Variants in GRIN2A observed in about 807,000 individuals in gnomAD.
GRIN2A encodes the protein glutamate receptor ionotropic, NMDA 2A.
Under a neutral mutation model 113.4 loss-of-function variants are expected in GRIN2A, and 22 were observed. The ratio of observed to expected loss-of-function variants is 0.19; its 90% CI spans 0.14 to 0.28. The LOEUF (loss-of-function observed/expected upper bound fraction) is 0.28. Ranked by LOEUF, GRIN2A falls within the 10% of genes least tolerant of loss-of-function variation. The pLI, the probability that GRIN2A is intolerant of heterozygous loss-of-function variation, is 1.00. For missense variants in GRIN2A, 1,502 were observed against 1,887.0 expected, an observed-to-expected ratio of 0.80 and a Z score of 3.78; for synonymous variants, 827 against 738.4, an observed-to-expected ratio of 1.12 and a Z score of -1.94.
At chr16:10,089,389 TA>T (rs796848124) in intron 2 of GRIN2A, among the ~76,000 whole-genome samples, 24 of 152,362 alleles carry the variant, frequency 1.6e-4, no homozygotes, top group African/African-American at 4.8e-4. Context: ...GTATGTCAAC[TA>T]TACCTCAAAG....
intron 2 of GRIN2A, among the ~76,000 whole-genome samples, chr16:9,950,567 G>C (rs954490691): frequency 6.6e-6 from 1 of 152,160 alleles, no homozygotes; most frequent in African/African-American, 2.4e-5. Flanking sequence ...CCTACAACTT[G>C]AATAGGCTAC....
chr16:10,091,244 G>C (rs1386455969), intron 2 of GRIN2A, among the ~76,000 whole-genome samples: 1 of 152,190 alleles, frequency 6.6e-6, no homozygotes, highest in African/African-American at 2.4e-5. Flanking sequence ...CTGGCATATA[G>C]ATATTCACAG....
At chr16:10,008,288 AC>A (rs1331908792) in intron 2 of GRIN2A, among the ~76,000 whole-genome samples, 31 of 152,306 alleles carry the variant, frequency 2.0e-4, no homozygotes, top group Non-Finnish European at 7.4e-5. Flanking sequence ...GTGGCTTCCA[AC>A]AGCAAAACTA....
chr16:9,962,092 A>G (rs2045454349), intron 2 of GRIN2A, among the ~76,000 whole-genome samples: 1 of 152,178 alleles, frequency 6.6e-6, no homozygotes, highest in Non-Finnish European at 1.5e-5. Flanking sequence ...CCTTCCTTAC[A>G]CCTTATACAA....
At chr16:9,849,346 A>G (rs2042838036) in intron 5 of GRIN2A, among the ~76,000 whole-genome samples, 1 of 151,494 alleles carries the variant, frequency 6.6e-6, no homozygotes, top group Admixed American at 6.6e-5. Flanking sequence ...TAAATAAATG[A>G]ATAAATTAAA....
intron 2 of GRIN2A, among the ~76,000 whole-genome samples, chr16:10,064,543 T>C (rs758068415): frequency 6.6e-5 from 10 of 152,256 alleles, no homozygotes; most frequent in Non-Finnish European, 1.0e-4. Flanking sequence ...TCTACATTGA[T>C]GTTTCTCAAG....
chr16:9,861,471 G>A (rs147938502), intron 4 of GRIN2A, among the ~76,000 whole-genome samples: 9 of 152,284 alleles, frequency 5.9e-5, no homozygotes, highest in African/African-American at 1.7e-4. Flanking sequence ...CAAACAAACC[G>A]ATCACAGGTT....
chr16:9,936,123 C>A (rs2044709202), intron 3 of GRIN2A, among the ~76,000 whole-genome samples: 1 of 152,188 alleles, frequency 6.6e-6, no homozygotes, highest in Admixed American at 6.5e-5. Context: ...ATGAATATGA[C>A]AATCTCTAGA....
intron 2 of GRIN2A, among the ~76,000 whole-genome samples, chr16:9,994,785 G>C (rs1353603217): frequency 1.3e-5 from 2 of 152,194 alleles, no homozygotes; most frequent in Admixed American, 6.5e-5. Context: ...ATCTCCATTG[G>C]AACTCCTTTA....
intron 11 of GRIN2A, among the ~76,000 whole-genome samples, chr16:9,771,428 G>A (rs547559284): frequency 1.8e-4 from 28 of 151,874 alleles, no homozygotes; most frequent in African/African-American, 6.8e-4. Context: ...TTCTTTTACA[G>A]TTCTGCCTGT....
chr16:9,876,397 C>T (rs1193393161), intron 4 of GRIN2A, among the ~76,000 whole-genome samples: 3 of 152,170 alleles, frequency 2.0e-5, no homozygotes, highest in Non-Finnish European at 2.9e-5. Context: ...TGTTTACCCC[C>T]ACATCCGCAC....
At chr16:9,947,361 A>T (rs2045043639) in intron 2 of GRIN2A, among the ~76,000 whole-genome samples, 1 of 152,248 alleles carries the variant, frequency 6.6e-6, no homozygotes, top group Non-Finnish European at 1.5e-5. Flanking sequence ...ATAATCGCTT[A>T]TCATTAAGCT....
chr16:9,944,987 C>G (rs1055833190), intron 2 of GRIN2A, among the ~76,000 whole-genome samples: 1 of 152,010 alleles, frequency 6.6e-6, no homozygotes, highest in Non-Finnish European at 1.5e-5. Context: ...ATGAATTTTA[C>G]ATTCTTAGGG....
chr16:9,834,343 G>C (rs2042549935), intron 7 of GRIN2A, 113 bp from the exon 8 acceptor site: 1 of 932,724 alleles, frequency 1.1e-6, no homozygotes, highest in Non-Finnish European at 1.8e-6. Context: ...TCTCTAATTT[G>C]AATCTGATCC....
intron 2 of GRIN2A, among the ~76,000 whole-genome samples, chr16:10,068,512 G>A (rs527586687): frequency 1.3e-5 from 2 of 152,332 alleles, no homozygotes; most frequent in East Asian, 3.9e-4. Context: ...AGATCTCAAA[G>A]TAACTCGGAG....
chr16:10,048,076 A>G (rs1213992531), intron 2 of GRIN2A, among the ~76,000 whole-genome samples: 1 of 152,226 alleles, frequency 6.6e-6, no homozygotes, highest in African/African-American at 2.4e-5. Flanking sequence ...TTAATGATTA[A>G]GAGTTCAGAC....
intron 2 of GRIN2A, 103 bp from the exon 3 acceptor site, chr16:9,938,654 C>A (rs2141633815): frequency 3.9e-6 from 3 of 773,612 alleles, no homozygotes; most frequent in East Asian, 2.6e-5. Flanking sequence ...ACACATCAAT[C>A]ATTTGCAGAC....
At chr16:10,042,399 CA>C (rs1198208452) in intron 2 of GRIN2A, among the ~76,000 whole-genome samples, 1 of 152,002 alleles carries the variant, frequency 6.6e-6, no homozygotes, top group Non-Finnish European at 1.5e-5. Context: ...GAGAGGTTCT[CA>C]AAATCAATAA....
intron 4 of GRIN2A, among the ~76,000 whole-genome samples, chr16:9,870,789 T>C (rs988282910): frequency 6.6e-6 from 1 of 152,088 alleles, no homozygotes; most frequent in Non-Finnish European, 1.5e-5. Context: ...AGGCACACAC[T>C]GCCATGCCTG....
Sources: gnomAD v4.1 joint callset for allele counts (sites outside exome capture counted in the v4.1 genomes callset) on GRCh38, gnomAD v4.1.1 for gene constraint, MANE v1.5 for transcripts, NCBI Gene and HGNC (gene_info 2026-07-23, HGNC 2026-07-21) for gene names.